The following ZNF512B variants were observed in gnomAD, a reference collection of about 807,000 sequenced individuals.
ZNF512B encodes the protein zinc finger protein 512B.
In ZNF512B, 22 loss-of-function variants were observed where a neutral mutation model predicts 87.8. The observed-to-expected ratio is 0.25, with a 90% CI of 0.18 to 0.36. The LOEUF (loss-of-function observed/expected upper bound fraction) is 0.36. ZNF512B is among the 10% of genes least tolerant of loss of function. ZNF512B has a pLI of 1.00. For missense variants in ZNF512B, 1,060 were observed against 1,231.6 expected, an observed-to-expected ratio of 0.86 and a Z score of 2.09; for synonymous variants, 524 against 490.9, an observed-to-expected ratio of 1.07 and a Z score of -0.89.
Position 63,963,134 on chromosome 20 carries a change from A to G in ZNF512B, c.1929T>C (p.Ala643=). ...THCGKTYRSK[A]GHDYHVRSEH... Reference sequence around the variant, plus strand: ...CCGAGCGCACGTGGTAGTCGTGGCCAGCCTTGGATCGGTACGTCTTGCCAC... The same window carrying G: ...CCGAGCGCACGTGGTAGTCGTGGCCGGCCTTGGATCGGTACGTCTTGCCAC... Residue 643 remains alanine (A), a synonymous_variant, in exon 12 of 17, where the codon GCT becomes GCC. Coordinates refer to ENST00000369888, the MANE Select transcript of ZNF512B (RefSeq NM_020713.3). The G allele has an allele frequency of 6.4e-7, 1 of 1,557,302 alleles. No individual in the cohort carries two copies. The highest frequency in any genetic ancestry group is 8.6e-7 in the Non-Finnish European group (1 of 1,158,296).
In ZNF512B at chr20:63,962,705, A is replaced by G. The variant is rs1468821624; in HGVS notation, c.2045T>C (p.Val682Ala). Reference protein sequence around the residue: ...LGVERTPSGRVRRTSAQVAVF... With the variant: ...LGVERTPSGRARRTSAQVAVF... ...CGCCACCTGGGCCGACGTGCGGCGG[A>G]CACGCCCGCTTGGGGTCCGCTCCAC... Residue 682 changes from valine to alanine, a missense_variant, in exon 13 of 17, where the codon GTC becomes GCC. Around this residue, in one of 9 missense-constraint regions of ZNF512B, gnomAD observed 14 missense variants for 38.7 expected, o/e 0.36. Coordinates refer to ENST00000369888, the MANE Select transcript of ZNF512B (RefSeq NM_020713.3). 6.2e-7 allele frequency: 1 copy of G among 1,602,724 alleles called. No individual in the cohort carries two copies. Among genetic ancestry groups the G allele is most frequent in the Admixed American group, 1.7e-5 (1 of 58,108 alleles).
At chr20:63,969,365 C>T (rs2058957718) in intron 1 of ZNF512B, among the ~76,000 whole-genome samples, 1 of 152,146 alleles carries the variant, frequency 6.6e-6, no homozygotes, top group South Asian at 2.1e-4. Flanking sequence ...ACACAGAGCC[C>T]TCGCGGGGAG....
In ZNF512B at chr20:63,956,855, G is replaced by A. The variant is rs936088608; in HGVS notation, c.*3033C>T. The A allele has an allele frequency of 1.3e-5, 2 of 153,026 alleles. No homozygotes were observed. The highest frequency in any genetic ancestry group is 4.8e-5 in the African/African-American group (2 of 41,466). The allele number at this position is 153,026 out of a possible 1,614,324, so 9.5% of individuals were successfully genotyped here. On this transcript the variant is annotated 3_prime_UTR_variant, in exon 17 of 17. Transcript: ENST00000369888. Reference sequence around the variant, plus strand: ...GCGGGCGGGGCCCGAACTCACCGTTGAAACATCTCGCAAATAAACACTTTG... The same window carrying A: ...GCGGGCGGGGCCCGAACTCACCGTTAAAACATCTCGCAAATAAACACTTTG...
chr20:63,964,465 G>A (rs770761379), intron 6 of ZNF512B, 25 bp downstream of exon 6: 42 of 1,613,046 alleles, frequency 2.6e-5, no homozygotes, highest in African/African-American at 6.7e-5. Flanking sequence ...TGCCCCGGCC[G>A]CCACCCCTGG....
rs995443867 is a variant in ZNF512B, at chr20:63,959,026, G to A, written c.*862C>T. Reference sequence around the variant, plus strand: ...GAACTAGTCCGTCCCTACTCCACGAGGCTGCTCCAACCTAGGCCTGCAGTG... The same window carrying A: ...GAACTAGTCCGTCCCTACTCCACGAAGCTGCTCCAACCTAGGCCTGCAGTG... On this transcript the variant is annotated 3_prime_UTR_variant, in exon 17 of 17. Coordinates refer to ENST00000369888, the MANE Select transcript of ZNF512B (RefSeq NM_020713.3). 1 of 152,706 alleles carries A rather than the reference G, an allele frequency of 6.5e-6. No individual in the cohort carries two copies. Among genetic ancestry groups the A allele is most frequent in the African/African-American group, 2.4e-5 (1 of 41,460 alleles). 9.5% of individuals were successfully genotyped at this position (152,706 alleles called of 1,614,324 possible).
intron 11 of ZNF512B, 28 bp downstream of exon 11, chr20:63,963,314 C>T (rs2146888327): frequency 1.3e-6 from 2 of 1,537,542 alleles, no homozygotes; most frequent in Non-Finnish European, 8.7e-7. Context: ...GGCCCCCCCA[C>T]CCCACACTGC....
At position 63,966,886 on chromosome 20, in the gene ZNF512B, C is replaced by T. The variant is rs1416504611; in HGVS notation, c.383G>A (p.Arg128Gln). 3 of 1,613,834 alleles carry T rather than the reference C, an allele frequency of 1.9e-6. No homozygotes were observed. Among genetic ancestry groups the T allele is most frequent in the Admixed American group, 1.7e-5 (1 of 60,024 alleles). The change falls in exon 4 of 17, where the codon CGG becomes CAG. Residue 128 changes from arginine (R) to glutamine (Q), a missense_variant. By Grantham distance (43) the Arg-to-Gln change is conservative (BLOSUM62 1). Transcript: ENST00000369888. ...CCCACAGTCCCTTACCCCTTGGCAC[C>T]GCTGGTAATGGTACTTGAGCCCGTA... ...SIYGLKYHYQ[R>Q]CQGGAISDRL...
chr20:63,966,519 C>T lies in ZNF512B; in HGVS notation c.656G>A (p.Gly219Asp). The part of the protein sequence containing the change: ...PIGISKPVSV[G>D]RPMPVTKAIP... Reference sequence around the variant, plus strand: ...GGCCTTGGTGACTGGCATGGGTCTGCCGACCGAGACTGGCTTGCTGATGCC... The same window carrying T: ...GGCCTTGGTGACTGGCATGGGTCTGTCGACCGAGACTGGCTTGCTGATGCC... Residue 219 changes from glycine (G) to aspartate (D), a missense_variant, in exon 5 of 17, where the codon GGC becomes GAC. Physicochemically the swap from Gly to Asp is moderately conservative, Grantham distance 94 (BLOSUM62 -1). Coordinates refer to ENST00000369888, the MANE Select transcript of ZNF512B (RefSeq NM_020713.3). 1 of 1,614,056 alleles carries T rather than the reference C, an allele frequency of 6.2e-7. No homozygotes were observed. Among genetic ancestry groups the T allele is most frequent in the Non-Finnish European group, 8.5e-7 (1 of 1,180,032 alleles).
chr20:63,963,754 G>A (rs754261528), intron 9 of ZNF512B, 35 bp downstream of exon 9: 32 of 1,612,868 alleles, frequency 2.0e-5, no homozygotes, highest in Non-Finnish European at 2.2e-5. Flanking sequence ...GGGCCAGGGC[G>A]CCTCCCTCCC....
chr20:63,968,964 G>A (rs1424230072), intron 1 of ZNF512B, among the ~76,000 whole-genome samples: 2 of 152,254 alleles, frequency 1.3e-5, no homozygotes, highest in Non-Finnish European at 2.9e-5. Context: ...GAGTGGGCAG[G>A]TGGCCCCCTC....
chr20:63,964,332 AG>A lies in ZNF512B; in HGVS notation c.1320del (p.Phe441LeufsTer148), dbSNP rs764732151. On this transcript the variant is annotated frameshift_variant, in exon 7 of 17. Transcript: ENST00000369888. LOFTEE classifies it high-confidence loss of function. ...GCTGGGGTCTTACCTTTGAGCCCAA[AG>A]GTCCCTGAGATGGATGGCTGCTCCC... ...FTGEQPSISGTFGLKGLVKAE... is the reference protein window; with the variant it reads ...FTGEQPSISGXFGLKGLVKAE... The A allele has an allele frequency of 6.2e-7, 1 of 1,613,904 alleles. No homozygotes were observed. The highest frequency in any genetic ancestry group is 1.7e-5 in the Admixed American group (1 of 60,028).
At chr20:63,964,031 C>T (rs1004354030) in intron 8 of ZNF512B, 40 bp downstream of exon 8, 17 of 1,595,766 alleles carry the variant, frequency 1.1e-5, no homozygotes, top group African/African-American at 8.0e-5. Context: ...ATCTACCCGC[C>T]GTCTAGAGCT....
At chr20:63,969,110 G>A in intron 1 of ZNF512B, 1 of 985,478 alleles carries the variant, frequency 1.0e-6, no homozygotes, top group Non-Finnish European at 1.2e-6. Context: ...CGGGGACAAA[G>A]TTCTCTGGAA....
rs183863212 is a variant in ZNF512B at position 63,967,642 on chromosome 20, C to T, written c.122-119G>A. 1.9e-4 allele frequency: 277 copies of T among 1,483,016 alleles called. No homozygotes were observed. The East Asian group carries it at 5.6e-3, about 30-fold the overall frequency. The allele number at this position is 1,483,016 out of a possible 1,614,324, so 91.9% of individuals were successfully genotyped here. A position where few individuals can be genotyped will look rare whatever the true frequency, so the allele number is the denominator to read the frequency against. On this transcript the variant is annotated intron_variant, in intron 2 of 16. Transcript: ENST00000369888. ...ACGAGGGCACCGGGGGCAGGGGCTG[C>T]GGCCAGCTGAGGACAAGAACCCAGG...
At chr20:63,960,367 G>T (rs2058836789) in intron 16 of ZNF512B, among the ~76,000 whole-genome samples, 1 of 149,634 alleles carries the variant, frequency 6.7e-6, no homozygotes, top group African/African-American at 2.5e-5. Flanking sequence ...TCGGGACCAG[G>T]CAAGCACCTG....
intron 3 of ZNF512B, 81 bp downstream of exon 3, chr20:63,967,300 G>A (rs953466897): frequency 1.1e-5 from 16 of 1,510,766 alleles, no homozygotes; most frequent in African/African-American, 5.6e-5. Flanking sequence ...TACCAGATGT[G>A]CAGAGGACAA....
chr20:63,964,050 C>T, intron 8 of ZNF512B, 21 bp downstream of exon 8: 3 of 1,602,306 alleles, frequency 1.9e-6, no homozygotes, highest in Non-Finnish European at 2.5e-6. Context: ...CTGCCCTGAG[C>T]CCCTGCCAGG....
At chr20:63,960,175 T>C (rs771071724) in intron 16 of ZNF512B, 36 bp from the exon 17 acceptor site, 1 of 1,609,612 alleles carries the variant, frequency 6.2e-7, no homozygotes, top group Non-Finnish European at 8.5e-7. Context: ...GACCTGGGAC[T>C]GGATGCTGAG....
chr20:63,968,632 GC>G (rs1384410781), intron 1 of ZNF512B, among the ~76,000 whole-genome samples: 1 of 152,204 alleles, frequency 6.6e-6, no homozygotes, highest in Non-Finnish European at 1.5e-5. Context: ...CCCTGTGCCG[GC>G]TGAACTATCC....
Sources: allele counts gnomAD v4.1 joint callset (sites outside exome capture counted in the v4.1 genomes callset), GRCh38; gene constraint gnomAD v4.1.1; regional missense constraint gnomAD v4.1.1; transcripts MANE v1.5; gene names NCBI Gene and HGNC (gene_info 2026-07-23, HGNC 2026-07-21).